Variants in DCAF6 observed in about 807,000 individuals in gnomAD.
DCAF6 encodes DDB1 and CUL4 associated factor 6.
Under a neutral mutation model 125.1 loss-of-function variants are expected in DCAF6, and 54 were observed. The ratio of observed to expected loss-of-function variants is 0.43; its 90% CI spans 0.35 to 0.54. DCAF6 has a LOEUF of 0.54. DCAF6 is among the 20% of genes least tolerant of loss of function. DCAF6 has a pLI of 0.01. For synonymous variants in DCAF6, 371 were observed against 390.4 expected (o/e 0.95, Z 0.58); for missense variants, 934 against 1,161.7 (o/e 0.80, Z 2.85).
chr1:167,966,345 A>G (rs1386482609), intron 2 of DCAF6, among the ~76,000 whole-genome samples: 1 of 152,194 alleles, frequency 6.6e-6, no homozygotes, highest in African/African-American at 2.4e-5. Flanking sequence ...AATGTGGCCC[A>G]CATAAATTCA....
At chr1:167,986,005 A>G (rs1052698158) in intron 4 of DCAF6, among the ~76,000 whole-genome samples, 1 of 152,190 alleles carries the variant, frequency 6.6e-6, no homozygotes, top group Non-Finnish European at 1.5e-5. Flanking sequence ...TTTTTCACAC[A>G]GAAGGTTTGT....
intron 11 of DCAF6, among the ~76,000 whole-genome samples, chr1:168,018,613 A>G (rs1279255213): frequency 3.9e-5 from 6 of 152,230 alleles, no homozygotes; most frequent in African/African-American, 7.2e-5. Context: ...TTCCAAAAAT[A>G]TGGTTTTAAA....
chr1:168,069,952 G>A (rs1039813266), intron 21 of DCAF6, among the ~76,000 whole-genome samples: 3 of 152,010 alleles, frequency 2.0e-5, no homozygotes, highest in Non-Finnish European at 4.4e-5. Context: ...CAAGAAAAAC[G>A]TTTACTGGTA....
intron 4 of DCAF6, among the ~76,000 whole-genome samples, chr1:167,982,442 C>T (rs969470852): frequency 5.9e-5 from 9 of 152,066 alleles, no homozygotes; most frequent in African/African-American, 1.9e-4. Flanking sequence ...GGGGTTTCAC[C>T]GCGTCAACCA....
chr1:168,003,369 T>C (rs1201394693), intron 8 of DCAF6, among the ~76,000 whole-genome samples: 1 of 152,222 alleles, frequency 6.6e-6, no homozygotes, highest in South Asian at 2.1e-4. Flanking sequence ...CTGGTTCCAG[T>C]TAATTTCAAA....
At chr1:168,072,639 A>C (rs1011584025) in intron 21 of DCAF6, among the ~76,000 whole-genome samples, 2 of 152,208 alleles carry the variant, frequency 1.3e-5, no homozygotes, top group African/African-American at 4.8e-5. Context: ...CTTAACAAAT[A>C]CTGAGTATTC....
chr1:167,986,146 T>C (rs1422098552), intron 4 of DCAF6, among the ~76,000 whole-genome samples: 2 of 152,248 alleles, frequency 1.3e-5, no homozygotes, highest in Non-Finnish European at 2.9e-5. Context: ...TTCAAGTGTT[T>C]GGCTAATATA....
the DCAF6 span, among the ~76,000 whole-genome samples, chr1:167,865,486 T>C: frequency 6.6e-6 from 1 of 152,180 alleles, no homozygotes; most frequent in African/African-American, 2.4e-5. Flanking sequence ...ATTGGATAAA[T>C]ATGTCTATGA....
chr1:167,978,593 G>A (rs529746653), intron 4 of DCAF6, among the ~76,000 whole-genome samples: 3 of 151,968 alleles, frequency 2.0e-5, no homozygotes, highest in South Asian at 4.2e-4. Context: ...ATTTATAGGA[G>A]TTTTTGAAAA....
chr1:168,066,522 TC>T, intron 20 of DCAF6, 57 bp downstream of exon 20: 6 of 1,233,112 alleles, frequency 4.9e-6, no homozygotes, highest in Non-Finnish European at 7.0e-6. Flanking sequence ...CTAAAATGCT[TC>T]CCTAAGAAAA....
chr1:168,013,936 C>G (rs967062379), intron 10 of DCAF6, among the ~76,000 whole-genome samples: 5 of 152,028 alleles, frequency 3.3e-5, no homozygotes, highest in African/African-American at 1.2e-4. Flanking sequence ...CAGGATCTCA[C>G]TGTGTTGCCC....
chr1:167,878,767 T>G, the DCAF6 span: 2 of 907,280 alleles, frequency 2.2e-6, no homozygotes, highest in Non-Finnish European at 3.5e-6. Context: ...CACAGAAGCC[T>G]AGTCTCAAGA....
chr1:168,064,160 G>T (rs1175706224), intron 18 of DCAF6, among the ~76,000 whole-genome samples: 2 of 144,816 alleles, frequency 1.4e-5, no homozygotes, highest in African/African-American at 5.1e-5. Flanking sequence ...TAAAATCTAA[G>T]TTGATTGCAA....
chr1:167,875,711 G>C, the DCAF6 span, among the ~76,000 whole-genome samples: 1 of 152,204 alleles, frequency 6.6e-6, no homozygotes, highest in Non-Finnish European at 1.5e-5. Context: ...AGCCCTTTGG[G>C]AGGCCGAGGT....
chr1:167,915,271 T>C, the DCAF6 span, among the ~76,000 whole-genome samples: 1 of 152,202 alleles, frequency 6.6e-6, no homozygotes, highest in South Asian at 2.1e-4. Context: ...AAAGAATTTA[T>C]CTCTTATTGA....
At chr1:167,963,398 G>A (rs1169970423) in intron 2 of DCAF6, among the ~76,000 whole-genome samples, 1 of 148,258 alleles carries the variant, frequency 6.7e-6, no homozygotes, top group Non-Finnish European at 1.5e-5. Context: ...TCCTATTTTT[G>A]TTTTCCATTC....
chr1:167,928,053 T>C, the DCAF6 span, among the ~76,000 whole-genome samples: 1 of 150,950 alleles, frequency 6.6e-6, no homozygotes, highest in Non-Finnish European at 1.5e-5. Context: ...TCTTAACTGT[T>C]AAAAAAAAAG....
At chr1:167,875,283 C>T in the DCAF6 span, 3 of 1,215,618 alleles carry the variant, frequency 2.5e-6, no homozygotes, top group South Asian at 3.7e-5. Flanking sequence ...GTTTCCTTCT[C>T]AATTGCTAAC....
chr1:167,924,111 T>C, the DCAF6 span, among the ~76,000 whole-genome samples: 1 of 152,330 alleles, frequency 6.6e-6, no homozygotes, highest in South Asian at 2.1e-4. Context: ...TGAGAGTAAC[T>C]TTCCTCACCT....
Sources: allele counts gnomAD v4.1 joint callset (sites outside exome capture counted in the v4.1 genomes callset), GRCh38; gene constraint gnomAD v4.1.1; transcripts MANE v1.5; gene names NCBI Gene and HGNC (gene_info 2026-07-23, HGNC 2026-07-21).